NTAN1: variants seen among roughly 807,000 people sequenced by gnomAD.
NTAN1 encodes N-terminal asparagine amidase, also known as protein N-terminal asparagine amidohydrolase.
A neutral mutation model predicts 41.9 loss-of-function variants in NTAN1; 32 were observed. The observed-to-expected ratio is 0.76, with a 90% CI of 0.58 to 1.03. The LOEUF (loss-of-function observed/expected upper bound fraction) is 1.03. Among genes scored for constraint, NTAN1 ranks in the 50% least tolerant of loss-of-function variants. The probability of loss-of-function intolerance (pLI) is 0.00; values close to 1 mark genes in which losing one functional copy is unlikely to be tolerated. For synonymous variants in NTAN1, 140 were observed against 139.5 expected, an observed-to-expected ratio of 1.00 and a Z score of -0.03; for missense variants, 377 against 377.5, an observed-to-expected ratio of 1.00 and a Z score of 0.01.
At chr16:15,053,919 C>A (rs2044395701) in intron 1 of NTAN1, among the ~76,000 whole-genome samples, 1 of 151,920 alleles carries the variant, frequency 6.6e-6, no homozygotes, top group Admixed American at 6.6e-5. Flanking sequence ...CTCAAAAAAA[C>A]CAACCAACCA....
At position 15,038,004 on chromosome 16, in the gene NTAN1, G is replaced by A. The variant is rs774470524; in HGVS notation, c.*27C>T. ...CACCAATGGTCTGTCAGGCCAAGAA[G>A]GTGCTTTCTTTGGTAATTCATGTTT... On this transcript the variant is annotated 3_prime_UTR_variant, in exon 10 of 10. Coordinates refer to ENST00000287706, the MANE Select transcript of NTAN1 (RefSeq NM_173474.4). 1.9e-6 allele frequency: 3 copies of A among 1,579,084 alleles called. No homozygotes were observed. The Admixed American group carries it at 5.1e-5, about 27-fold the overall frequency.
At position 15,046,687 on chromosome 16, in the gene NTAN1, C is replaced by T. The variant is rs2044079330; in HGVS notation, c.359+755G>A. The stretch of plus-strand genomic sequence containing the variant: ...CCGGCCTGGGCAACTTGGCAAAACC[C>T]TGTCTCTACCAAAAAAAAAAAAAAA... On this transcript the variant is annotated intron_variant, in intron 4 of 9. Transcript: ENST00000287706. 2.1e-5 allele frequency among the ~76,000 whole-genome samples: 3 copies of T among 140,768 alleles called. No homozygotes were observed. The South Asian group carries it at 6.9e-4, about 32-fold the overall frequency. 92.3% of individuals were successfully genotyped at this position (140,768 alleles called of 152,430 possible). A position where few individuals can be genotyped will look rare whatever the true frequency, so the allele number is the denominator to read the frequency against.
intron 8 of NTAN1, among the ~76,000 whole-genome samples, chr16:15,039,243 A>G (rs1213528900): frequency 6.6e-6 from 1 of 152,214 alleles, no homozygotes; most frequent in Non-Finnish European, 1.5e-5. Flanking sequence ...TGTTCTGAAT[A>G]TCAACTAAAC....
In NTAN1 at chr16:15,037,934, A is replaced by G; in HGVS notation, c.*97T>C. The G allele has an allele frequency of 2.4e-6, 2 of 817,816 alleles. No homozygotes were observed. Among genetic ancestry groups the G allele is most frequent in the Admixed American group, 4.7e-5 (2 of 42,498 alleles). 50.7% of individuals were successfully genotyped at this position (817,816 alleles called of 1,614,324 possible). Reference sequence around the variant, plus strand: ...AGACACTGAGGAGGGAAGGAGGCCTAAGACCCAACAGATGTAGGATCCAGA... The same window carrying G: ...AGACACTGAGGAGGGAAGGAGGCCTGAGACCCAACAGATGTAGGATCCAGA... On this transcript the variant is annotated 3_prime_UTR_variant, in exon 10 of 10. Coordinates refer to ENST00000287706, the MANE Select transcript of NTAN1 (RefSeq NM_173474.4).
At chr16:15,050,268 T>C (rs931122593) in intron 1 of NTAN1, among the ~76,000 whole-genome samples, 2 of 152,240 alleles carry the variant, frequency 1.3e-5, no homozygotes, top group Non-Finnish European at 2.9e-5. Flanking sequence ...TGTATCATAA[T>C]TTCCTTCTTA....
intron 3 of NTAN1, 92 bp from the exon 4 acceptor site, chr16:15,047,642 T>A: frequency 9.9e-7 from 1 of 1,012,800 alleles, no homozygotes. Flanking sequence ...GACCGCCTCA[T>A]CTTTGAATAT....
intron 4 of NTAN1, chr16:15,046,171 A>G (rs1460350069): frequency 6.6e-6 from 1 of 152,374 alleles, no homozygotes; most frequent in Admixed American, 6.5e-5. Context: ...TCACGTGTCC[A>G]TGAAGCCAGC....
intron 1 of NTAN1, among the ~76,000 whole-genome samples, chr16:15,054,920 G>A (rs938816117): frequency 1.3e-5 from 2 of 152,090 alleles, no homozygotes; most frequent in African/African-American, 4.8e-5. Context: ...CAACACACTT[G>A]GTCAGGTTCC....
At chr16:15,046,968 C>T (rs1414544007) in intron 4 of NTAN1, among the ~76,000 whole-genome samples, 1 of 152,176 alleles carries the variant, frequency 6.6e-6, no homozygotes, top group African/African-American at 2.4e-5. Flanking sequence ...AGCCCCGCCT[C>T]ACCACCCAAC....
At chr16:15,041,917 G>A (rs977283686) in intron 5 of NTAN1, among the ~76,000 whole-genome samples, 14 of 152,184 alleles carry the variant, frequency 9.2e-5, no homozygotes, top group Non-Finnish European at 1.5e-4. Context: ...AGCCTGGGCT[G>A]AGCCTTCCCA....
chr16:15,047,851 A>T lies in NTAN1; in HGVS notation c.250+4T>A. 6.2e-7 allele frequency: 1 copy of T among 1,609,292 alleles called. No homozygotes were observed. Among genetic ancestry groups the T allele is most frequent in the Non-Finnish European group, 8.5e-7 (1 of 1,175,560 alleles). On this transcript the variant is annotated splice_donor_region_variant and intron_variant, in intron 3 of 9. Coordinates refer to ENST00000287706, the MANE Select transcript of NTAN1 (RefSeq NM_173474.4). Reference sequence around the variant, plus strand: ...AATGGTTTCCTTCACCTCTCTCATCATACCTGTGTGCCTCAGGACCACAAT... The same window carrying T: ...AATGGTTTCCTTCACCTCTCTCATCTTACCTGTGTGCCTCAGGACCACAAT...
chr16:15,052,429 T>G (rs2044330394), intron 1 of NTAN1, among the ~76,000 whole-genome samples: 1 of 152,178 alleles, frequency 6.6e-6, no homozygotes, highest in Admixed American at 6.5e-5. Context: ...AGCTGTGACC[T>G]GGGGGATGAT....
chr16:15,045,902 C>G (rs1020508955), intron 4 of NTAN1: 1 of 152,218 alleles, frequency 6.6e-6, no homozygotes, highest in Non-Finnish European at 1.5e-5. Context: ...ACATAGGGCA[C>G]AGCCTCAAGG....
chr16:15,038,297 A>G, intron 9 of NTAN1, 87 bp from the exon 10 acceptor site: 2 of 930,824 alleles, frequency 2.1e-6, no homozygotes, highest in South Asian at 3.3e-5. Context: ...TTGTTCTTGG[A>G]CACAAATATA....
At chr16:15,040,990 G>A in intron 7 of NTAN1, 78 bp downstream of exon 7, 1 of 956,218 alleles carries the variant, frequency 1.0e-6, no homozygotes. Context: ...ACAGCAGTGG[G>A]GTCATTGGTT....
intron 4 of NTAN1, among the ~76,000 whole-genome samples, chr16:15,046,725 G>T (rs948689572): frequency 2.6e-5 from 2 of 76,390 alleles, no homozygotes; most frequent in Non-Finnish European, 5.1e-5. Context: ...AAAAAAAAAA[G>T]CTAGCTGGGT....
intron 1 of NTAN1, among the ~76,000 whole-genome samples, chr16:15,051,465 C>T (rs1020086428): frequency 6.6e-6 from 1 of 152,166 alleles, no homozygotes; most frequent in African/African-American, 2.4e-5. Context: ...CCCACCTCAG[C>T]CTCCCAAGGA....
intron 3 of NTAN1, 53 bp from the exon 4 acceptor site, chr16:15,047,603 C>T (rs764996750): frequency 5.3e-6 from 7 of 1,319,300 alleles, no homozygotes; most frequent in African/African-American, 4.3e-5. Flanking sequence ...GAGTGCAGTG[C>T]GCAGGCCGAG....
intron 5 of NTAN1, among the ~76,000 whole-genome samples, chr16:15,042,263 G>A (rs549119306): frequency 4.1e-5 from 6 of 147,586 alleles, no homozygotes; most frequent in South Asian, 2.1e-4. Context: ...TCTGCTCATC[G>A]CAGTCTCCAC....
Sources: gnomAD v4.1 joint callset for allele counts (sites outside exome capture counted in the v4.1 genomes callset) on GRCh38, gnomAD v4.1.1 for gene constraint, MANE v1.5 for transcripts, NCBI Gene and HGNC (gene_info 2026-07-23, HGNC 2026-07-21) for gene names.